CIAO3: variants seen among roughly 807,000 people sequenced by gnomAD.
CIAO3 encodes the protein cytosolic iron-sulfur assembly component 3.
Under a neutral mutation model 51.5 loss-of-function variants are expected in CIAO3, and 45 were observed. The observed-to-expected ratio is 0.87, with a 90% CI of 0.69 to 1.12. CIAO3 has a LOEUF of 1.12. Ranked by LOEUF, CIAO3 falls within the 50% of genes most tolerant of loss-of-function variation. The pLI is 0.00. For missense variants in CIAO3, 668 were observed against 632.5 expected (o/e 1.06, Z -0.60); for synonymous variants, 314 against 269.3 (o/e 1.17, Z -1.63).
chr16:734,718 AC>A lies in CIAO3; in HGVS notation c.574+18del. On this transcript the variant is annotated intron_variant, in intron 5 of 10. Transcript: ENST00000251588. Reference sequence around the variant, plus strand: ...TGCACTTGAACTTGACTCTCCCACCACCCGCACCATGAGCACACCTGGGCAG... The same window carrying A: ...TGCACTTGAACTTGACTCTCCCACCACCGCACCATGAGCACACCTGGGCAG... The A allele has an allele frequency of 6.2e-7, 1 of 1,612,184 alleles. No individual in the cohort carries two copies. Among genetic ancestry groups the A allele is most frequent in the Non-Finnish European group, 8.5e-7 (1 of 1,179,680 alleles).
Position 733,312 on chromosome 16 carries a change from C to T in CIAO3, c.809G>A (p.Cys270Tyr), listed in dbSNP as rs372409492. ...CGTGACCGCACCTGTTGTGAGGACA[C>T]AGTCCACATCCCGTGTCTGGTGCTC... ...NQEHQTRDVDCVLTTGEVFRL... is the reference protein window; with the variant it reads ...NQEHQTRDVDYVLTTGEVFRL... Residue 270 changes from cysteine to tyrosine, a missense_variant, in exon 7 of 11, where the codon TGT becomes TAT. Coordinates refer to ENST00000251588, the MANE Select transcript of CIAO3 (RefSeq NM_022493.3). 2 of 1,613,648 alleles carry T rather than the reference C, an allele frequency of 1.2e-6. No individual in the cohort carries two copies. The highest frequency in any genetic ancestry group is 1.1e-5 in the South Asian group (1 of 91,086).
At position 737,581 on chromosome 16, in the gene CIAO3, A is replaced by G; in HGVS notation, c.163-252T>C. 6.9e-7 allele frequency: 1 copy of G among 1,457,668 alleles called. No individual in the cohort carries two copies. Among genetic ancestry groups the G allele is most frequent in the Non-Finnish European group, 9.1e-7 (1 of 1,097,592 alleles). The allele number at this position is 1,457,668 out of a possible 1,614,324, so 90.3% of individuals were successfully genotyped here. Reference sequence around the variant, plus strand: ...CCGAATCACAGGACTAAGGCTTGCCACTGGTATCTCAGCAAAGCAGCAGCC... The same window carrying G: ...CCGAATCACAGGACTAAGGCTTGCCGCTGGTATCTCAGCAAAGCAGCAGCC... On this transcript the variant is annotated intron_variant, in intron 2 of 10. Transcript: ENST00000251588. This position sits in a 1 kb window ranked among gnomAD's most constrained non-coding sequence, Gnocchi z 5.3.
At chr16:740,310 G>A (rs1215723657) in intron 1 of CIAO3, 3 of 354,658 alleles carry the variant, frequency 8.5e-6, no homozygotes, top group African/African-American at 6.4e-5. Flanking sequence ...AAGGGCGCCT[G>A]CAGCCTCCCG....
intron 4 of CIAO3, 125 bp from the exon 5 acceptor site, chr16:734,996 C>T (rs2041324003): frequency 7.6e-7 from 1 of 1,323,834 alleles, no homozygotes. Context: ...GTGCCAAAGC[C>T]CCGGCCCCAC....
In CIAO3 at chr16:740,935, GAA is replaced by G. The variant is rs1373841438; in HGVS notation, c.49_50del (p.Phe17HisfsTer27). On this transcript the variant is annotated frameshift_variant, in exon 1 of 11. Coordinates refer to ENST00000251588, the MANE Select transcript of CIAO3 (RefSeq NM_022493.3). LOFTEE classifies it high-confidence loss of function. ...GCCGGCCCACCTGAGACGGCCCGATGAAGTCATCCAGGTCCGTCAGCTGCAGC... is the reference window on the plus strand; with the variant it reads ...GCCGGCCCACCTGAGACGGCCCGATGGTCATCCAGGTCCGTCAGCTGCAGC... ...GALQLTDLDD[F>X]IGPSQECIKP... 2 of 1,528,300 alleles carry G rather than the reference GAA, an allele frequency of 1.3e-6. No individual in the cohort carries two copies. Among genetic ancestry groups the G allele is most frequent in the Non-Finnish European group, 1.8e-6 (2 of 1,142,578 alleles). The allele number at this position is 1,528,300 out of a possible 1,614,324, so 94.7% of individuals were successfully genotyped here.
intron 9 of CIAO3, 177 bp downstream of exon 9, chr16:731,388 C>T (rs2041280127): frequency 1.1e-6 from 1 of 895,026 alleles, no homozygotes; most frequent in Middle Eastern, 3.3e-4. Context: ...GCTTAGGTGC[C>T]TTCACACCCT....
Position 737,081 on chromosome 16 carries a change from A to C in CIAO3, c.306+105T>G, listed in dbSNP as rs905751847. 6.7e-7 allele frequency: 1 copy of C among 1,490,272 alleles called. No homozygotes were observed. Among genetic ancestry groups the C allele is most frequent in the East Asian group, 2.3e-5 (1 of 43,804 alleles). The allele number at this position is 1,490,272 out of a possible 1,614,324, so 92.3% of individuals were successfully genotyped here. On this transcript the variant is annotated intron_variant, in intron 3 of 10. Coordinates refer to ENST00000251588, the MANE Select transcript of CIAO3 (RefSeq NM_022493.3). This position sits in a 1 kb window ranked among gnomAD's most constrained non-coding sequence, Gnocchi z 5.3. ...CCTCAAAAAGGCAGGCGCCACCCGCACGACGGACGTCGGCACCACACGAGC... is the reference window on the plus strand; with the variant it reads ...CCTCAAAAAGGCAGGCGCCACCCGCCCGACGGACGTCGGCACCACACGAGC...
chr16:738,331 G>A, intron 2 of CIAO3: 1 of 981,180 alleles, frequency 1.0e-6, no homozygotes, highest in Non-Finnish European at 1.2e-6. Context: ...ATGGCAGACA[G>A]GTGAATTTTA....
chr16:734,576 TC>T, intron 5 of CIAO3, 160 bp downstream of exon 5: 2 of 1,340,704 alleles, frequency 1.5e-6, no homozygotes, highest in Non-Finnish European at 2.1e-6. Context: ...GGCAGCCTCT[TC>T]TCCAGAAAAG....
rs1490551124 is a variant in CIAO3, at chr16:734,266, A to G, written c.656T>C (p.Met219Thr). The G allele has an allele frequency of 6.2e-7, 1 of 1,612,152 alleles. No homozygotes were observed. Among genetic ancestry groups the G allele is most frequent in the Admixed American group, 1.7e-5 (1 of 60,022 alleles). The change falls in exon 6 of 11, where the codon ATG (methionine) becomes ACG (threonine). Residue 219 changes from methionine (M) to threonine (T), a missense_variant. By Grantham distance (81) the Met-to-Thr change is moderately conservative. Transcript: ENST00000251588. ...GAAGAAGTCCTTGACCAGGGAGCCC[A>G]TGACCTGCTGCGGGGACCGGGCGGT... ...ISTARSPQQV[M>T]GSLVKDFFAQ...
At chr16:733,730 C>T (rs1567344205) in intron 6 of CIAO3, 14 of 422,132 alleles carry the variant, frequency 3.3e-5, no homozygotes, top group African/African-American at 1.0e-4. Context: ...GCCGGGGAAA[C>T]GGATGTCACG....
chr16:731,858 G>C, intron 8 of CIAO3, 156 bp from the exon 9 acceptor site: 2 of 1,022,882 alleles, frequency 2.0e-6, no homozygotes, highest in Non-Finnish European at 2.7e-6. Context: ...GCCATCACAG[G>C]GGCCCAGCCA....
At position 737,918 on chromosome 16, in the gene CIAO3, T is replaced by C; in HGVS notation, c.163-589A>G. The stretch of plus-strand genomic sequence containing the variant: ...CATGCAAAACGCACCCAGCTCGAGC[T>C]CCCCCAACTTCTCCTGCAAAGGCAG... On this transcript the variant is annotated intron_variant, in intron 2 of 10. Transcript: ENST00000251588. The surrounding 1 kb of genome is among the most constrained non-coding windows in gnomAD (Gnocchi z 5.3). The C allele has an allele frequency of 8.5e-7, 1 of 1,177,368 alleles. No individual in the cohort carries two copies. Among genetic ancestry groups the C allele is most frequent in the African/African-American group, 1.6e-5 (1 of 62,180 alleles). 72.9% of individuals were successfully genotyped at this position (1,177,368 alleles called of 1,614,324 possible).
chr16:733,530 AC>A, intron 6 of CIAO3, 103 bp from the exon 7 acceptor site: 1 of 1,535,630 alleles, frequency 6.5e-7, no homozygotes, highest in Non-Finnish European at 8.9e-7. Context: ...ACCCCGAGGG[AC>A]AGTGAGCCTC....
chr16:731,376 G>C (rs933835771), intron 9 of CIAO3, 189 bp downstream of exon 9: 1 of 763,208 alleles, frequency 1.3e-6, no homozygotes, highest in African/African-American at 1.8e-5. Context: ...GAGGCCTGGA[G>C]TGCTTAGGTG....
At position 737,430 on chromosome 16, in the gene CIAO3, T is replaced by G; in HGVS notation, c.163-101A>C. The G allele has an allele frequency of 6.3e-7, 1 of 1,586,922 alleles. No individual in the cohort carries two copies. Among genetic ancestry groups the G allele is most frequent in the Non-Finnish European group, 8.6e-7 (1 of 1,165,082 alleles). On this transcript the variant is annotated intron_variant, in intron 2 of 10. Coordinates refer to ENST00000251588, the MANE Select transcript of CIAO3 (RefSeq NM_022493.3). The surrounding 1 kb of genome is among the most constrained non-coding windows in gnomAD (Gnocchi z 5.3). ...GCTCATAACCGACAACCAACATGGC[T>G]GCTGGCTGGGCTTGTGTGCCGCTGA...
At chr16:731,774 C>A in intron 8 of CIAO3, 72 bp from the exon 9 acceptor site, 3 of 1,458,870 alleles carry the variant, frequency 2.1e-6, no homozygotes, top group Non-Finnish European at 2.7e-6. Flanking sequence ...GGCCTCTGTC[C>A]CTCACACATG....
chr16:734,205 C>G, intron 6 of CIAO3, 24 bp downstream of exon 6: 1 of 1,602,430 alleles, frequency 6.2e-7, no homozygotes, highest in Non-Finnish European at 8.5e-7. Flanking sequence ...CAGCCTGAGT[C>G]TGGGGCTGGC....
chr16:731,810 C>T (rs1353753940), intron 8 of CIAO3, 108 bp from the exon 9 acceptor site: 44 of 1,374,188 alleles, frequency 3.2e-5, no homozygotes, highest in Non-Finnish European at 4.1e-5. Flanking sequence ...AGGTGGGAGA[C>T]AAGTCACAGA....
Sources: allele counts gnomAD v4.1 joint callset, GRCh38; gene constraint gnomAD v4.1.1; non-coding constraint Gnocchi (gnomAD v3.1); transcripts MANE v1.5; gene names NCBI Gene and HGNC (gene_info 2026-07-23, HGNC 2026-07-21).